TOX4: variants seen among roughly 807,000 people sequenced by gnomAD.
TOX4 encodes epidermal Langerhans cell protein LCP1.
In TOX4, 12 loss-of-function variants were observed where a neutral mutation model predicts 61.0. The observed-to-expected ratio is 0.20, with a 90% CI of 0.13 to 0.32. The LOEUF (loss-of-function observed/expected upper bound fraction) is 0.32, where lower values mean the gene tolerates loss of function less well. Ranked by LOEUF, TOX4 falls within the 10% of genes least tolerant of loss-of-function variation. TOX4 has a pLI of 1.00. For missense variants in TOX4, 499 were observed against 753.3 expected (o/e 0.66, Z 3.95); for synonymous variants, 268 against 274.8 (o/e 0.98, Z 0.24).
rs965161463 is a variant in TOX4 at position 21,487,647 on chromosome 14, G to A, written c.272G>A (p.Gly91Asp). Residue 91 changes from glycine to aspartate, a missense_variant, in exon 3 of 9, where the codon GGC (glycine) becomes GAC (aspartate). By Grantham distance (94) the Gly-to-Asp change is moderately conservative. This residue lies in a region of TOX4 where 90 missense variants were observed against 109.5 expected (regional missense o/e 0.82). Transcript: ENST00000448790. The part of the protein sequence containing the change: ...TLDMPVGMTH[G>D]LMEQGGGLLS... Reference sequence around the variant, plus strand: ...GACATGCCTGTGGGCATGACCCATGGCTTGATGGAGCAGGGCGGGGGGCTC... The same window carrying A: ...GACATGCCTGTGGGCATGACCCATGACTTGATGGAGCAGGGCGGGGGGCTC... 1 of 1,614,144 alleles carries A rather than the reference G, an allele frequency of 6.2e-7. No homozygotes were observed. The highest frequency in any genetic ancestry group is 2.2e-5 in the East Asian group (1 of 44,874).
Position 21,492,944 on chromosome 14 carries a change from TACAGCCCCCTCCATTACAACAGATGCC to T in TOX4, c.1338_1364del (p.Pro447_Pro455del), listed in dbSNP as rs1357770738. 6.2e-7 allele frequency: 1 copy of T among 1,613,290 alleles called. No homozygotes were observed. Among genetic ancestry groups the T allele is most frequent in the Admixed American group, 1.7e-5 (1 of 59,780 alleles). On this transcript the variant is annotated inframe_deletion, in exon 7 of 9. Coordinates refer to ENST00000448790, the MANE Select transcript of TOX4 (RefSeq NM_014828.4). ...TCTATGCAACTGCCTCCACCCCGAC[TACAGCCCCCTCCATTACAACAGATGCC>T]ACAGCCCCCGACTCAGCAGCAAGTT...
At position 21,496,665 on chromosome 14, in the gene TOX4, G is replaced by A. The variant is rs1594434462; in HGVS notation, c.*59G>A. The A allele has an allele frequency of 5.1e-5, 77 of 1,511,406 alleles. No individual in the cohort carries two copies. The East Asian group carries it at 1.7e-3, about 33-fold the overall frequency. The allele number at this position is 1,511,406 out of a possible 1,614,324, so 93.6% of individuals were successfully genotyped here. A position where few individuals can be genotyped will look rare whatever the true frequency, so the allele number is the denominator to read the frequency against. On this transcript the variant is annotated 3_prime_UTR_variant, in exon 9 of 9. Coordinates refer to ENST00000448790, the MANE Select transcript of TOX4 (RefSeq NM_014828.4). ...CTGCTGGGAAAGTGTCCAAGAGCCTGTTTTTGAAACACAAGCTGGGCTTCT... is the reference window on the plus strand; with the variant it reads ...CTGCTGGGAAAGTGTCCAAGAGCCTATTTTTGAAACACAAGCTGGGCTTCT...
chr14:21,477,680 G>A (rs1891023380), intron 2 of TOX4, 116 bp downstream of exon 2: 1 of 1,164,322 alleles, frequency 8.6e-7, no homozygotes, highest in Non-Finnish European at 1.2e-6. Context: ...GGCCGCAATT[G>A]GTGTTTAGAG....
In TOX4 at chr14:21,490,926, A is replaced by G. The variant is rs570490361; in HGVS notation, c.811-1370A>G. On this transcript the variant is annotated intron_variant, in intron 5 of 8. Transcript: ENST00000448790. The stretch of plus-strand genomic sequence containing the variant: ...CTGCAACTTCCACCTCCTGGGTTCA[A>G]GTGATTCTCCTGCCTCAGCCTCCCA... Among the ~76,000 whole-genome samples, 17 of 152,284 alleles carry G rather than the reference A, an allele frequency of 1.1e-4. No homozygotes were observed. The East Asian group carries it at 3.3e-3, about 29-fold the overall frequency.
intron 6 of TOX4, 66 bp downstream of exon 6, chr14:21,492,442 A>C: frequency 6.2e-7 from 1 of 1,610,158 alleles, no homozygotes; most frequent in Non-Finnish European, 8.5e-7. Flanking sequence ...GTTTGTTAGC[A>C]GTTTTAAGAA....
chr14:21,488,656 A>G lies in TOX4; in HGVS notation c.385A>G (p.Thr129Ala). 1 of 1,614,168 alleles carries G rather than the reference A, an allele frequency of 6.2e-7. No homozygotes were observed. Among genetic ancestry groups the G allele is most frequent in the Non-Finnish European group, 8.5e-7 (1 of 1,180,026 alleles). Residue 129 changes from threonine to alanine, a missense_variant, in exon 4 of 9, where the codon ACA becomes GCA. Thr to Ala is a moderately conservative substitution (Grantham distance 58). Around this residue, in one of 7 missense-constraint regions of TOX4, gnomAD observed 90 missense variants for 109.5 expected, o/e 0.82. Transcript: ENST00000448790. Reference protein sequence around the residue: ...NPPVTIDVPMTDMTSGLMGHS... With the variant: ...NPPVTIDVPMADMTSGLMGHS... The stretch of plus-strand genomic sequence containing the variant: ...ACCTGTTACAATTGATGTACCAATG[A>G]CAGACATGACATCTGGCTTGATGGG...
chr14:21,479,630 C>T (rs754836516), intron 2 of TOX4, among the ~76,000 whole-genome samples: 3 of 152,122 alleles, frequency 2.0e-5, no homozygotes, highest in Non-Finnish European at 2.9e-5. Context: ...CCTAGGTGAA[C>T]GAGTGAGACT....
chr14:21,495,524 T>C (rs941919611), intron 8 of TOX4, 132 bp downstream of exon 8: 9 of 1,092,056 alleles, frequency 8.2e-6, no homozygotes, highest in Non-Finnish European at 1.2e-5. Flanking sequence ...GTATCTGGTC[T>C]ACTAGAAAAG....
chr14:21,497,036 A>T lies in TOX4; in HGVS notation c.*430A>T. ...AAGGGTTCCCTCATAAAAAAATGTT[A>T]TTCCCCATTATCACATCAGTACACT... On this transcript the variant is annotated 3_prime_UTR_variant, in exon 9 of 9. Coordinates refer to ENST00000448790, the MANE Select transcript of TOX4 (RefSeq NM_014828.4). The T allele has an allele frequency of 5.8e-6, 1 of 171,770 alleles. No homozygotes were observed. Among genetic ancestry groups the T allele is most frequent in the Non-Finnish European group, 1.3e-5 (1 of 78,982 alleles). The allele number at this position is 171,770 out of a possible 1,614,324, so 10.6% of individuals were successfully genotyped here.
In TOX4 at chr14:21,495,404, G is replaced by A. The variant is rs769845642; in HGVS notation, c.1805+12G>A. 2.5e-6 allele frequency: 4 copies of A among 1,605,604 alleles called. No individual in the cohort carries two copies. Among genetic ancestry groups the A allele is most frequent in the Non-Finnish European group, 3.4e-6 (4 of 1,175,184 alleles). Reference sequence around the variant, plus strand: ...GTGAAGCACTGCAGGTGAGCTTACAGTTCTCCCTTTTATAATTCAGCTACT... The same window carrying A: ...GTGAAGCACTGCAGGTGAGCTTACAATTCTCCCTTTTATAATTCAGCTACT... On this transcript the variant is annotated intron_variant, in intron 8 of 8. Transcript: ENST00000448790.
chr14:21,497,161 AC>A lies in TOX4; in HGVS notation c.*557del. On this transcript the variant is annotated 3_prime_UTR_variant, in exon 9 of 9. Transcript: ENST00000448790. The stretch of plus-strand genomic sequence containing the variant: ...CTTTATATATATTATTTCTGCAGTT[AC>A]CATCCTTATCTGAGTTATCACAGTT... The A allele has an allele frequency of 6.6e-6, 1 of 152,632 alleles. No homozygotes were observed. The highest frequency in any genetic ancestry group is 1.9e-4 in the East Asian group (1 of 5,190). The allele number at this position is 152,632 out of a possible 1,614,324, so 9.5% of individuals were successfully genotyped here.
chr14:21,493,493 G>A (rs1223780556), intron 7 of TOX4, among the ~76,000 whole-genome samples: 1 of 152,154 alleles, frequency 6.6e-6, no homozygotes, highest in Non-Finnish European at 1.5e-5. Flanking sequence ...CCAGGCTGGA[G>A]TGCAATGGTG....
Position 21,492,349 on chromosome 14 carries a change from T to G in TOX4, c.864T>G (p.Ala288=). 1.9e-6 allele frequency: 3 copies of G among 1,614,132 alleles called. No homozygotes were observed. The highest frequency in any genetic ancestry group is 1.3e-5 in the African/African-American group (1 of 75,036). Residue 288 remains alanine (A), a synonymous_variant, in exon 6 of 9, where the codon GCT becomes GCG. Transcript: ENST00000448790. The part of the protein sequence containing the change: ...AAKKEYLKAL[A]AYKDNQECQA... ...AGAAAGAGTATCTGAAGGCACTGGC[T>G]GCTTACAAAGACAACCAGGAGTGTC...
At position 21,496,750 on chromosome 14, in the gene TOX4, G is replaced by A; in HGVS notation, c.*144G>A. The A allele has an allele frequency of 1.5e-6, 1 of 681,110 alleles. No homozygotes were observed. Among genetic ancestry groups the A allele is most frequent in the Non-Finnish European group, 2.5e-6 (1 of 399,708 alleles). The allele number at this position is 681,110 out of a possible 1,614,324, so 42.2% of individuals were successfully genotyped here. On this transcript the variant is annotated 3_prime_UTR_variant, in exon 9 of 9. Coordinates refer to ENST00000448790, the MANE Select transcript of TOX4 (RefSeq NM_014828.4). ...ATGTTTCACCCCTTTTCTTCCTTCAGCAGAGGCCAGGCTATGGAGCAGGGC... is the reference window on the plus strand; with the variant it reads ...ATGTTTCACCCCTTTTCTTCCTTCAACAGAGGCCAGGCTATGGAGCAGGGC...
chr14:21,486,180 G>A (rs1594426802), intron 2 of TOX4, among the ~76,000 whole-genome samples: 1 of 103,414 alleles, frequency 9.7e-6, no homozygotes, highest in Middle Eastern at 5.0e-3. Context: ...CAAAAAAAAA[G>A]AAAAGGAACC....
chr14:21,496,419 C>T (rs763850792), intron 8 of TOX4, 127 bp from the exon 9 acceptor site: 52 of 735,104 alleles, frequency 7.1e-5, no homozygotes, highest in African/African-American at 1.6e-4. Context: ...CCCAGCTACT[C>T]GGGAGGCTAA....
In TOX4 at chr14:21,492,627, G is replaced by A. The variant is rs1035439231; in HGVS notation, c.1011G>A (p.Leu337=). 4.3e-6 allele frequency: 7 copies of A among 1,613,610 alleles called. No individual in the cohort carries two copies. The African/African-American group carries it at 5.3e-5, about 12-fold the overall frequency. The change falls in exon 7 of 9, where the codon CTG becomes CTA. Residue 337 remains leucine (L), a synonymous_variant. Coordinates refer to ENST00000448790, the MANE Select transcript of TOX4 (RefSeq NM_014828.4). ...CAGCTTCAATAGAGCCCCCTGCCCT[G>A]TCCCCATCCATTGTTGTTAACTCCA... ...PAPASIEPPA[L]SPSIVVNSTL... is the part of the protein sequence containing the mutation.
chr14:21,489,496 T>A, intron 5 of TOX4, 93 bp downstream of exon 5: 1 of 1,064,028 alleles, frequency 9.4e-7, no homozygotes, highest in Non-Finnish European at 1.4e-6. Flanking sequence ...TGTCCTTATC[T>A]AATATCAGCT....
intron 5 of TOX4, chr14:21,492,026 A>T (rs1324652140): frequency 1.2e-5 from 3 of 256,652 alleles, no homozygotes; most frequent in African/African-American, 6.8e-5. Context: ...AAATTTAAAA[A>T]AAATAAAATA....
Sources: gnomAD v4.1 joint callset for allele counts (sites outside exome capture counted in the v4.1 genomes callset) on GRCh38, gnomAD v4.1.1 for gene constraint, gnomAD v4.1.1 regional missense constraint, MANE v1.5 for transcripts, NCBI Gene and HGNC (gene_info 2026-07-23, HGNC 2026-07-21) for gene names.